MYO16: variants seen among roughly 807,000 people sequenced by gnomAD.
MYO16 encodes the protein unconventional myosin-XVI.
MYO16 carries 94 observed loss-of-function variants against 205.3 expected under a neutral mutation model. That is an observed-to-expected ratio of 0.46 (90% CI 0.39 to 0.54). The LOEUF is 0.54. Ranked by LOEUF, MYO16 falls within the 20% of genes least tolerant of loss-of-function variation. MYO16 has a pLI of 0.00. For missense variants in MYO16, 2,315 were observed against 2,387.5 expected (o/e 0.97, Z 0.63); for synonymous variants, 988 against 954.0 (o/e 1.04, Z -0.66).
chr13:108,817,809 T>C (rs1214295090), intron 7 of MYO16, among the ~76,000 whole-genome samples: 3 of 152,188 alleles, frequency 2.0e-5, no homozygotes, highest in African/African-American at 7.2e-5. Context: ...CGTTTATCAA[T>C]TGAGTATGAG....
At chr13:108,939,656 TTTC>T (rs759515609) in intron 16 of MYO16, among the ~76,000 whole-genome samples, 2 of 152,160 alleles carry the variant, frequency 1.3e-5, no homozygotes, top group Non-Finnish European at 2.9e-5. Flanking sequence ...TCTAACCACT[TTTC>T]TTCTTATTTG....
chr13:109,078,640 T>C (rs1230935935), intron 27 of MYO16, among the ~76,000 whole-genome samples: 1 of 152,138 alleles, frequency 6.6e-6, no homozygotes. Context: ...TGATGTACAT[T>C]TTTATACTTC....
At chr13:108,790,178 A>G (rs1360341320) in intron 5 of MYO16, among the ~76,000 whole-genome samples, 9 of 152,198 alleles carry the variant, frequency 5.9e-5, no homozygotes, top group East Asian at 1.9e-4. Context: ...AACCATCACA[A>G]TAGCGGCAAA....
intron 1 of MYO16, among the ~76,000 whole-genome samples, chr13:108,641,146 G>A (rs77435225): frequency 0.035 from 5,333 of 152,254 alleles, 138 homozygotes; most frequent in South Asian, 0.13. Flanking sequence ...CTTATTGGAC[G>A]CTTCTCGATA....
intron 9 of MYO16, among the ~76,000 whole-genome samples, chr13:108,835,422 C>T (rs1876856813): frequency 6.6e-6 from 1 of 152,138 alleles, no homozygotes; most frequent in Admixed American, 6.5e-5. Flanking sequence ...AACCTCTTTC[C>T]TTTATAAATT....
intron 34 of MYO16, among the ~76,000 whole-genome samples, chr13:109,182,309 C>T (rs966275008): frequency 1.3e-5 from 2 of 152,148 alleles, no homozygotes; most frequent in African/African-American, 2.4e-5. Flanking sequence ...GTAAGATGGG[C>T]TCAGTTAACC....
At chr13:109,090,546 G>A (rs1162255422) in intron 27 of MYO16, among the ~76,000 whole-genome samples, 1 of 152,174 alleles carries the variant, frequency 6.6e-6, no homozygotes, top group Non-Finnish European at 1.5e-5. Context: ...ATGCAAGAAG[G>A]GGTGGGCAGG....
At chr13:108,849,617 T>G (rs113658848) in intron 10 of MYO16, among the ~76,000 whole-genome samples, 2,117 of 71,316 alleles carry the variant, frequency 0.03, 104 homozygotes, top group Middle Eastern at 0.052. Context: ...GAATTTCCTC[T>G]TTTGTGTGTG....
chr13:108,856,841 T>C (rs1294192192), intron 11 of MYO16, among the ~76,000 whole-genome samples: 1 of 152,188 alleles, frequency 6.6e-6, no homozygotes, highest in Non-Finnish European at 1.5e-5. Flanking sequence ...GGAGGCTTCA[T>C]CATTCTTTTT....
intron 11 of MYO16, among the ~76,000 whole-genome samples, chr13:108,859,910 A>G (rs930579661): frequency 6.6e-6 from 1 of 152,198 alleles, no homozygotes; most frequent in Non-Finnish European, 1.5e-5. Flanking sequence ...AGCAAACCAG[A>G]GCAATAAAGC....
rs74119485 is a variant in MYO16, at chr13:108,982,921, C to T, written c.2370-9455C>T. Among the ~76,000 whole-genome samples the T allele has an allele frequency of 6.3e-3, 953 of 152,212 alleles. 11 individuals are homozygous for T. Among genetic ancestry groups the T allele is most frequent in the African/African-American group, 0.021 (865 of 41,536 alleles). Reference sequence around the variant, plus strand: ...TCAGACCAATCCATACATTATAGCACTCCAAGACACCGTCAGTTTTCTGAT... The same window carrying T: ...TCAGACCAATCCATACATTATAGCATTCCAAGACACCGTCAGTTTTCTGAT... On this transcript the variant is annotated intron_variant, in intron 20 of 34. Transcript: ENST00000457511.
chr13:108,686,787 A>T (rs1427567077), intron 2 of MYO16, among the ~76,000 whole-genome samples: 1 of 152,240 alleles, frequency 6.6e-6, no homozygotes, highest in Non-Finnish European at 1.5e-5. Context: ...GTCGATCTGG[A>T]TGTTCAGCGG....
intron 15 of MYO16, among the ~76,000 whole-genome samples, chr13:108,902,754 A>G (rs569482066): frequency 2.0e-5 from 3 of 152,294 alleles, no homozygotes; most frequent in African/African-American, 7.2e-5. Flanking sequence ...CACTGGTCAC[A>G]TTGGATTAGG....
At chr13:108,683,546 T>C (rs960635942) in intron 2 of MYO16, among the ~76,000 whole-genome samples, 10 of 152,208 alleles carry the variant, frequency 6.6e-5, no homozygotes, top group Admixed American at 2.6e-4. Flanking sequence ...GTGTGTTATC[T>C]GAGAAGCTCT....
chr13:108,905,194 A>G (rs1880905962), intron 15 of MYO16, among the ~76,000 whole-genome samples: 1 of 152,048 alleles, frequency 6.6e-6, no homozygotes, highest in South Asian at 2.1e-4. Context: ...CGGTTTGTAA[A>G]CTCAGGTGAA....
chr13:108,728,876 C>A (rs1380362091), intron 4 of MYO16, among the ~76,000 whole-genome samples: 2 of 152,116 alleles, frequency 1.3e-5, no homozygotes, highest in Admixed American at 6.5e-5. Context: ...AAATTCTGAA[C>A]AAAAATATTT....
chr13:108,694,287 C>T (rs1188857536), intron 2 of MYO16, among the ~76,000 whole-genome samples: 1 of 152,036 alleles, frequency 6.6e-6, no homozygotes, highest in Non-Finnish European at 1.5e-5. Flanking sequence ...TAATTATTTT[C>T]AGTTTATAGC....
At position 108,888,442 on chromosome 13, in the gene MYO16, G is replaced by T. The variant is rs139224149; in HGVS notation, c.1624G>T (p.Ala542Ser). Reference protein sequence around the residue: ...IIRHLTCRAGASRATLDSRFK... With the variant: ...IIRHLTCRAGSSRATLDSRFK... ...AAGACACCTCACCTGCAGGGCTGGCGCCAGCAGGGCCACACTGGATTCCAG... is the reference window on the plus strand; with the variant it reads ...AAGACACCTCACCTGCAGGGCTGGCTCCAGCAGGGCCACACTGGATTCCAG... Residue 542 changes from alanine (A) to serine (S), a missense_variant, in exon 14 of 35, where the codon GCC becomes TCC. Ala to Ser is a moderately conservative substitution (Grantham distance 99). Around this residue, in one of 3 missense-constraint regions of MYO16, gnomAD observed 1,213 missense variants for 1,274.4 expected, o/e 0.95. Transcript: ENST00000457511. 2 of 1,610,142 alleles carry T rather than the reference G, an allele frequency of 1.2e-6. No individual in the cohort carries two copies. Among genetic ancestry groups the T allele is most frequent in the East Asian group, 2.2e-5 (1 of 44,684 alleles).
intron 2 of MYO16, among the ~76,000 whole-genome samples, chr13:108,677,790 T>C (rs1470294953): frequency 6.6e-6 from 1 of 152,156 alleles, no homozygotes; most frequent in Non-Finnish European, 1.5e-5. Context: ...TTTGATTAAA[T>C]TGAAACTGAA....
Sources: allele counts gnomAD v4.1 joint callset (sites outside exome capture counted in the v4.1 genomes callset), GRCh38; gene constraint gnomAD v4.1.1; regional missense constraint gnomAD v4.1.1; transcripts MANE v1.5; gene names NCBI Gene and HGNC (gene_info 2026-07-23, HGNC 2026-07-21).